TBC1D8: variants seen among roughly 807,000 people sequenced by gnomAD.
The protein encoded by TBC1D8 is TBC1 domain family member 8, also known as BUB2-like protein 1.
Under a neutral mutation model 118.8 loss-of-function variants are expected in TBC1D8, and 65 were observed. That is an observed-to-expected ratio of 0.55 (90% confidence interval 0.45 to 0.67). The LOEUF (loss-of-function observed/expected upper bound fraction) is 0.67, where lower values mean the gene tolerates loss of function less well. Ranked by LOEUF, TBC1D8 falls within the 30% of genes least tolerant of loss-of-function variation. The probability of loss-of-function intolerance (pLI) is 0.00; values close to 1 mark genes in which losing one functional copy is unlikely to be tolerated. For missense variants in TBC1D8, 1,376 were observed against 1,471.2 expected (o/e 0.94, Z 1.06); for synonymous variants, 566 against 595.8 (o/e 0.95, Z 0.73).
chr2:101,036,115 G>A lies in TBC1D8; in HGVS notation c.1506C>T (p.Gly502=), dbSNP rs1356630448. The change falls in exon 9 of 20, where the codon GGC becomes GGT. Residue 502 remains glycine (G), a synonymous_variant. Coordinates refer to ENST00000409318, the MANE Select transcript of TBC1D8 (RefSeq NM_001330348.2). ...SLWNDHFVEY[G]RTVCMFRTEK... is the part of the protein sequence containing the mutation. Reference sequence around the variant, plus strand: ...CTGTGCGAAACATACACACGGTTCTGCCGTATTCCACAAAGTGGTCATTCC... The same window carrying A: ...CTGTGCGAAACATACACACGGTTCTACCGTATTCCACAAAGTGGTCATTCC... 5.0e-6 allele frequency: 8 copies of A among 1,613,846 alleles called. No homozygotes were observed. The African/African-American group carries it at 8.0e-5, about 16-fold the overall frequency.
chr2:101,055,467 T>G (rs1682367225), intron 3 of TBC1D8, among the ~76,000 whole-genome samples: 1 of 152,178 alleles, frequency 6.6e-6, no homozygotes, highest in Non-Finnish European at 1.5e-5. Context: ...GGCTACTACC[T>G]GCCTGACTGT....
intron 1 of TBC1D8, among the ~76,000 whole-genome samples, chr2:101,093,777 T>C (rs1047931434): frequency 2.0e-5 from 3 of 151,790 alleles, no homozygotes; most frequent in Non-Finnish European, 4.4e-5. Context: ...TGGCACAATT[T>C]TGGCTCACTG....
chr2:101,054,466 C>A (rs9677214), intron 3 of TBC1D8, 130 bp from the exon 4 acceptor site: 295,654 of 851,330 alleles, frequency 0.35, 52,886 homozygotes, highest in Admixed American at 0.42. Flanking sequence ...CAACGACAGA[C>A]ACACCTGACG....
intron 6 of TBC1D8, 70 bp downstream of exon 6, chr2:101,040,108 T>TCA: frequency 6.5e-7 from 1 of 1,549,660 alleles, no homozygotes; most frequent in South Asian, 1.2e-5. Flanking sequence ...ACACTCCATC[T>TCA]CACAGCCAGC....
At chr2:101,122,140 C>G (rs184296634) in intron 1 of TBC1D8, among the ~76,000 whole-genome samples, 1 of 148,472 alleles carries the variant, frequency 6.7e-6, no homozygotes, top group East Asian at 2.0e-4. Flanking sequence ...GGCACAATCT[C>G]AGCTCACTAC....
intron 1 of TBC1D8, among the ~76,000 whole-genome samples, chr2:101,101,007 C>CA (rs1325591106): frequency 5.3e-5 from 8 of 152,308 alleles, no homozygotes; most frequent in African/African-American, 1.9e-4. Context: ...ATGACTAAAA[C>CA]ACCAAAAGCA....
At chr2:101,022,079 G>A (rs1006995774) in intron 16 of TBC1D8, among the ~76,000 whole-genome samples, 5 of 152,182 alleles carry the variant, frequency 3.3e-5, no homozygotes, top group Non-Finnish European at 7.3e-5. Flanking sequence ...TGTTGAGAGC[G>A]TGGGCCCCTC....
chr2:101,033,375 G>A, intron 10 of TBC1D8, 169 bp downstream of exon 10: 1 of 787,302 alleles, frequency 1.3e-6, no homozygotes, highest in Non-Finnish European at 2.2e-6. Flanking sequence ...AAGATGAGTA[G>A]TCCCTTTGGC....
rs183180882 is a variant in TBC1D8 at position 101,011,704 on chromosome 2, G to A, written c.2828-164C>T. On this transcript the variant is annotated intron_variant, in intron 17 of 19. Coordinates refer to ENST00000409318, the MANE Select transcript of TBC1D8 (RefSeq NM_001330348.2). The stretch of plus-strand genomic sequence containing the variant: ...CCCAAATGCACACCAAGCACTGTCT[G>A]GATACCCAGAGAAAATAAAATGTCC... Among the ~76,000 whole-genome samples, 449 of 152,238 alleles carry A rather than the reference G, an allele frequency of 2.9e-3. 3 individuals are homozygous for A. Among genetic ancestry groups the A allele is most frequent in the African/African-American group, 0.011 (438 of 41,534 alleles).
intron 1 of TBC1D8, among the ~76,000 whole-genome samples, chr2:101,138,229 T>G (rs56181147): frequency 0.16 from 23,971 of 152,214 alleles, 1,952 homozygotes; most frequent in African/African-American, 0.2. Context: ...CAATTTGACA[T>G]GAAAATTGGG....
intron 17 of TBC1D8, among the ~76,000 whole-genome samples, chr2:101,020,918 G>T (rs1275499527): frequency 2.0e-5 from 3 of 152,080 alleles, no homozygotes; most frequent in East Asian, 1.9e-4. Flanking sequence ...GTGTATATAG[G>T]GTTTGGTACT....
chr2:101,115,940 A>G (rs754614524), intron 1 of TBC1D8, among the ~76,000 whole-genome samples: 6 of 152,196 alleles, frequency 3.9e-5, no homozygotes, highest in African/African-American at 7.2e-5. Context: ...TTCATCAGGT[A>G]AGGCTGACAA....
chr2:101,102,679 G>T (rs1320047033), intron 1 of TBC1D8, among the ~76,000 whole-genome samples: 1 of 151,966 alleles, frequency 6.6e-6, no homozygotes, highest in Non-Finnish European at 1.5e-5. Context: ...TTAATCAAAA[G>T]AAAGCAGGAG....
intron 1 of TBC1D8, among the ~76,000 whole-genome samples, chr2:101,101,607 T>C (rs371234109): frequency 6.6e-5 from 10 of 152,208 alleles, no homozygotes; most frequent in African/African-American, 1.7e-4. Context: ...TGTATGTTTA[T>C]TGCAGCACTA....
intron 6 of TBC1D8, among the ~76,000 whole-genome samples, chr2:101,039,567 C>T (rs1681250445): frequency 6.6e-6 from 1 of 152,146 alleles, no homozygotes; most frequent in Admixed American, 6.5e-5. Flanking sequence ...TTGTGGGTAC[C>T]ATCTCACCAG....
intron 14 of TBC1D8, 123 bp from the exon 15 acceptor site, chr2:101,027,574 C>A: frequency 1.3e-6 from 1 of 795,266 alleles, no homozygotes; most frequent in Non-Finnish European, 2.1e-6. Flanking sequence ...TTCTCTCCCA[C>A]AAAGGCTCTT....
rs946818286 is a variant in TBC1D8 at position 101,054,238 on chromosome 2, G to A, written c.501C>T (p.Asn167=). The A allele has an allele frequency of 6.2e-6, 10 of 1,608,168 alleles. No homozygotes were observed. The highest frequency in any genetic ancestry group is 8.5e-6 in the Non-Finnish European group (10 of 1,177,482). Residue 167 remains asparagine (N), a synonymous_variant, in exon 4 of 20, where the codon AAC becomes AAT. Transcript: ENST00000409318. ...EALVKFEARF[N]FPEAEKLVTY... is the part of the protein sequence containing the mutation. ...TGACCAGCTTCTCCGCCTCGGGGAA[G>A]TTGAACCTGGCCTCGAACTTCACCA...
chr2:101,022,141 T>G, intron 16 of TBC1D8, 140 bp downstream of exon 16: 1 of 1,414,930 alleles, frequency 7.1e-7, no homozygotes, highest in East Asian at 2.5e-5. Flanking sequence ...AGAGTGATAT[T>G]TCAAAATCAT....
At position 101,008,266 on chromosome 2, in the gene TBC1D8, A is replaced by G; in HGVS notation, c.3023T>C (p.Phe1008Ser). The change falls in exon 20 of 20, where the codon TTT (phenylalanine) becomes TCT (serine). Residue 1008 changes from phenylalanine to serine, a missense_variant. Physicochemically the swap from Phe to Ser is radical, Grantham distance 155 (BLOSUM62 -2). Transcript: ENST00000409318. ...GTACAGAGTTTTACAGAACTGGATA[A>G]ATTCTCTCTGAAATTGAAATAAGTC... is the stretch of plus-strand genomic sequence containing the variant. ...KELPKMSQRE[F>S]IQFCKTLYSM... 1 of 1,526,388 alleles carries G rather than the reference A, an allele frequency of 6.6e-7. No individual in the cohort carries two copies. Among genetic ancestry groups the G allele is most frequent in the Non-Finnish European group, 8.8e-7 (1 of 1,137,690 alleles). 94.6% of individuals were successfully genotyped at this position (1,526,388 alleles called of 1,614,324 possible).
Sources: allele counts gnomAD v4.1 joint callset (sites outside exome capture counted in the v4.1 genomes callset), GRCh38; gene constraint gnomAD v4.1.1; transcripts MANE v1.5; gene names NCBI Gene and HGNC (gene_info 2026-07-23, HGNC 2026-07-21).